LIMCH1: variants seen among roughly 807,000 people sequenced by gnomAD.
LIMCH1 encodes the protein LIM and calponin homology domains-containing protein 1.
LIMCH1 carries 113 observed loss-of-function variants against 176.5 expected under a neutral mutation model. That is an observed-to-expected ratio of 0.64 (90% CI 0.55 to 0.75). The LOEUF (loss-of-function observed/expected upper bound fraction) is 0.75, where lower values mean the gene tolerates loss of function less well. LIMCH1 is among the 30% of genes least tolerant of loss of function. LIMCH1 has a pLI of 0.00. For missense variants in LIMCH1, 1,674 were observed against 1,814.9 expected (o/e 0.92, Z 1.41); for synonymous variants, 619 against 645.9 (o/e 0.96, Z 0.63).
At chr4:41,477,673 C>T (rs562823918) in intron 1 of LIMCH1, among the ~76,000 whole-genome samples, 1 of 152,168 alleles carries the variant, frequency 6.6e-6, no homozygotes, top group African/African-American at 2.4e-5. Flanking sequence ...TGGTTTTTGC[C>T]AATCCTGACT....
intron 1 of LIMCH1, among the ~76,000 whole-genome samples, chr4:41,361,985 C>A (rs1435288723): frequency 6.6e-6 from 1 of 152,126 alleles, no homozygotes; most frequent in Non-Finnish European, 1.5e-5. Context: ...CATGACCCAG[C>A]AATGTTGAAG....
intron 1 of LIMCH1, among the ~76,000 whole-genome samples, chr4:41,581,773 TC>T (rs2152683588): frequency 8.3e-6 from 1 of 120,482 alleles, no homozygotes; most frequent in East Asian, 2.9e-4. Context: ...GCCACTGCAC[TC>T]CAGCCTGGGC....
intron 1 of LIMCH1, among the ~76,000 whole-genome samples, chr4:41,470,500 C>T (rs2066790632): frequency 6.6e-6 from 1 of 152,198 alleles, no homozygotes; most frequent in South Asian, 2.1e-4. Context: ...ACACACCCAT[C>T]TCCAGCTACT....
intron 1 of LIMCH1, among the ~76,000 whole-genome samples, chr4:41,584,987 A>G (rs6840482): frequency 0.35 from 53,025 of 151,996 alleles, 14,815 homozygotes; most frequent in African/African-American, 0.78. Context: ...CTTCCATGGT[A>G]GAAAGGGCAA....
intron 1 of LIMCH1, among the ~76,000 whole-genome samples, chr4:41,438,641 C>CT (rs1471733262): frequency 2.0e-5 from 3 of 152,042 alleles, no homozygotes; most frequent in Non-Finnish European, 4.4e-5. Context: ...GCCTGGCTGG[C>CT]TTGTGCCTTT....
intron 1 of LIMCH1, among the ~76,000 whole-genome samples, chr4:41,547,861 G>GTATATATATATA (rs746652816): frequency 9.2e-4 from 78 of 84,950 alleles, no homozygotes; most frequent in South Asian, 2.2e-3. Context: ...ATTTGTGTGT[G>GTATATATATATA]TGTATATATA....
At chr4:41,633,408 T>C in intron 12 of LIMCH1, 140 bp from the exon 13 acceptor site, 1 of 1,005,050 alleles carries the variant, frequency 9.9e-7, no homozygotes, top group African/African-American at 1.6e-5. Flanking sequence ...AAGGGAGATT[T>C]CCTGCTCAGC....
chr4:41,459,220 T>C (rs750689957), intron 1 of LIMCH1, among the ~76,000 whole-genome samples: 4 of 152,140 alleles, frequency 2.6e-5, no homozygotes, highest in Non-Finnish European at 4.4e-5. Context: ...GGATGGTGTA[T>C]TAGTGTTCAG....
intron 2 of LIMCH1, among the ~76,000 whole-genome samples, chr4:41,496,047 T>C (rs2072059496): frequency 6.6e-6 from 1 of 152,250 alleles, no homozygotes; most frequent in African/African-American, 2.4e-5. Flanking sequence ...AGTCAGGCTC[T>C]GAACTCTTTC....
At chr4:41,416,000 G>T (rs2059901108) in intron 1 of LIMCH1, among the ~76,000 whole-genome samples, 1 of 151,686 alleles carries the variant, frequency 6.6e-6, no homozygotes, top group Non-Finnish European at 1.5e-5. Flanking sequence ...GGAATAACTT[G>T]CCCACCGATT....
chr4:41,423,794 C>T (rs1259741340), intron 1 of LIMCH1, among the ~76,000 whole-genome samples: 2 of 152,016 alleles, frequency 1.3e-5, no homozygotes, highest in African/African-American at 4.8e-5. Flanking sequence ...GGTGAAAGTG[C>T]TATAAAGGTG....
chr4:41,656,559 G>GT (rs1407769012), intron 18 of LIMCH1, among the ~76,000 whole-genome samples: 4 of 152,018 alleles, frequency 2.6e-5, no homozygotes, highest in African/African-American at 4.8e-5. Context: ...ACAAAAAAAA[G>GT]TTTAAGACAT....
At chr4:41,421,470 C>T (rs1010573733) in intron 1 of LIMCH1, among the ~76,000 whole-genome samples, 2 of 152,096 alleles carry the variant, frequency 1.3e-5, no homozygotes, top group Non-Finnish European at 2.9e-5. Flanking sequence ...AACATAAACT[C>T]AGAAAGAAGC....
intron 1 of LIMCH1, among the ~76,000 whole-genome samples, chr4:41,399,683 C>CTTTTTTTTTTT (rs1353461851): frequency 1.0e-4 from 2 of 19,728 alleles, no homozygotes; most frequent in African/African-American, 5.2e-4. Context: ...GAGGTGGATA[C>CTTTTTTTTTTT]TCTTTTTTTT....
chr4:41,563,187 G>A (rs113336926), intron 1 of LIMCH1, among the ~76,000 whole-genome samples: 35 of 152,208 alleles, frequency 2.3e-4, no homozygotes, highest in African/African-American at 7.9e-4. Flanking sequence ...CTGTGATAGT[G>A]TACATGTCAC....
chr4:41,573,579 C>T (rs913468504), intron 1 of LIMCH1, among the ~76,000 whole-genome samples: 1 of 152,100 alleles, frequency 6.6e-6, no homozygotes, highest in Non-Finnish European at 1.5e-5. Context: ...GGCTGTATAC[C>T]CTTTTCCCAC....
intron 1 of LIMCH1, among the ~76,000 whole-genome samples, chr4:41,394,942 G>C (rs1223235254): frequency 6.6e-6 from 1 of 152,084 alleles, no homozygotes; most frequent in Non-Finnish European, 1.5e-5. Flanking sequence ...CTAAGTTAAC[G>C]GCTTCACTTT....
intron 1 of LIMCH1, among the ~76,000 whole-genome samples, chr4:41,579,614 A>G (rs1169580199): frequency 6.6e-6 from 1 of 152,220 alleles, no homozygotes. Flanking sequence ...AACTCTTTTG[A>G]TGTCCTTTTC....
rs74616217 is a variant in LIMCH1 at position 41,512,983 on chromosome 4, C to T, written c.168-11426C>T. 3.3e-5 allele frequency among the ~76,000 whole-genome samples: 5 copies of T among 152,270 alleles called. No individual in the cohort carries two copies. The East Asian group carries it at 9.6e-4, about 29-fold the overall frequency. ...GGCTTCAAGATGTTTAAAAAGTCAT[C>T]TAGAAATCTCATTCCAAATATCATT... is the stretch of plus-strand genomic sequence containing the variant. On this transcript the variant is annotated intron_variant, in intron 2 of 26. Coordinates refer to the LIMCH1 transcript ENST00000313860.
Sources: allele counts gnomAD v4.1 joint callset (sites outside exome capture counted in the v4.1 genomes callset), GRCh38; gene constraint gnomAD v4.1.1; transcripts MANE v1.5; gene names NCBI Gene and HGNC (gene_info 2026-07-23, HGNC 2026-07-21).